The following KIF26B variants were observed in gnomAD, a reference collection of about 807,000 sequenced individuals.
KIF26B encodes the protein kinesin family member 26B.
A neutral mutation model predicts 151.2 loss-of-function variants in KIF26B; 63 were observed. The ratio of observed to expected loss-of-function variants is 0.42; its 90% CI spans 0.34 to 0.51. KIF26B has a LOEUF of 0.51. Among genes scored for constraint, KIF26B ranks in the 20% least tolerant of loss-of-function variants. The probability of loss-of-function intolerance (pLI) is 0.07; values close to 1 mark genes in which losing one functional copy is unlikely to be tolerated. For missense variants in KIF26B, 2,813 were observed against 2,913.6 expected (o/e 0.97, Z 0.79); for synonymous variants, 1,357 against 1,262.1 (o/e 1.08, Z -1.59).
At chr1:245,219,878 C>T (rs1299735047) in intron 2 of KIF26B, among the ~76,000 whole-genome samples, 1 of 152,214 alleles carries the variant, frequency 6.6e-6, no homozygotes, top group Non-Finnish European at 1.5e-5. Flanking sequence ...AGCACTGACT[C>T]CCACCCAGGC....
At chr1:245,571,564 C>A (rs1229628361) in intron 5 of KIF26B, among the ~76,000 whole-genome samples, 1 of 152,194 alleles carries the variant, frequency 6.6e-6, no homozygotes, top group East Asian at 1.9e-4. Context: ...TTAGCTTTTG[C>A]CTTCCTTTTG....
intron 2 of KIF26B, among the ~76,000 whole-genome samples, chr1:245,197,481 TG>T (rs1305602647): frequency 2.0e-5 from 3 of 152,238 alleles, no homozygotes; most frequent in Admixed American, 6.5e-5. Context: ...ATTATAACTT[TG>T]TTTTTTTTAC....
At chr1:245,508,280 G>A (rs924700867) in intron 4 of KIF26B, among the ~76,000 whole-genome samples, 4 of 152,030 alleles carry the variant, frequency 2.6e-5, no homozygotes, top group South Asian at 4.1e-4. Context: ...TCGCTCTGTC[G>A]CCCAGGCTGG....
At position 245,691,407 on chromosome 1, in the gene KIF26B, G is replaced by A. The variant is rs75244304; in HGVS notation, c.5824+2600G>A. On this transcript the variant is annotated intron_variant, in intron 12 of 14. Coordinates refer to ENST00000407071, the MANE Select transcript of KIF26B (RefSeq NM_018012.4). ...CAGGTGCTAGAAATGGATTTCATGT[G>A]GAATGTCAAGAGCAGAAGACCTTTG... is the stretch of plus-strand genomic sequence containing the variant. Among the ~76,000 whole-genome samples the A allele has an allele frequency of 1.0e-2, 1,521 of 152,302 alleles. 22 individuals carry two copies. Among genetic ancestry groups the A allele is most frequent in the African/African-American group, 0.035 (1,451 of 41,562 alleles).
intron 2 of KIF26B, among the ~76,000 whole-genome samples, chr1:245,174,194 A>G (rs74810004): frequency 0.12 from 17,695 of 152,226 alleles, 1,210 homozygotes; most frequent in East Asian, 0.31. Context: ...TTTTATGTGT[A>G]TGACTCTTTT....
intron 2 of KIF26B, among the ~76,000 whole-genome samples, chr1:245,269,276 A>C (rs1670806696): frequency 1.1e-5 from 1 of 90,536 alleles, no homozygotes; most frequent in South Asian, 4.5e-4. Context: ...CCTCCCACCC[A>C]ACGGCCCCTC....
At chr1:245,662,942 GCTTGCTCT>G (rs1490188707) in intron 10 of KIF26B, among the ~76,000 whole-genome samples, 10 of 147,608 alleles carry the variant, frequency 6.8e-5, no homozygotes, top group African/African-American at 1.3e-4. Flanking sequence ...GAGAGCTCTT[GCTTGCTCT>G]CAGGTCACCT....
At chr1:245,670,604 T>C (rs1389490356) in intron 10 of KIF26B, among the ~76,000 whole-genome samples, 1 of 151,910 alleles carries the variant, frequency 6.6e-6, no homozygotes, top group African/African-American at 2.4e-5. Context: ...TTAAGCATAA[T>C]AGCCAAGAGG....
At chr1:245,387,162 TTTTTTGTTTTTTG>T (rs1024720750) in intron 3 of KIF26B, among the ~76,000 whole-genome samples, 6 of 93,622 alleles carry the variant, frequency 6.4e-5, no homozygotes, top group Non-Finnish European at 1.3e-4. Context: ...TTGTTTTTTG[TTTTTTGTTTTTTG>T]TTTTTTGAGA....
chr1:245,676,053 G>A (rs192359394), intron 10 of KIF26B, among the ~76,000 whole-genome samples: 5 of 152,130 alleles, frequency 3.3e-5, no homozygotes, highest in African/African-American at 1.2e-4. Context: ...GCTTTTATTA[G>A]GAAATGCAAT....
At chr1:245,579,852 GA>G (rs113159653) in intron 5 of KIF26B, among the ~76,000 whole-genome samples, 14,581 of 106,712 alleles carry the variant, frequency 0.14, 838 homozygotes, top group African/African-American at 0.21. Flanking sequence ...TCATCTCAAA[GA>G]AAAAAAAAAA....
chr1:245,383,820 C>T (rs1673473214), intron 3 of KIF26B, among the ~76,000 whole-genome samples: 1 of 152,108 alleles, frequency 6.6e-6, no homozygotes. Flanking sequence ...TAATAAGTGT[C>T]ATTTAGAGGC....
chr1:245,291,867 A>C (rs1166744824), intron 2 of KIF26B, among the ~76,000 whole-genome samples: 1 of 152,068 alleles, frequency 6.6e-6, no homozygotes, highest in African/African-American at 2.4e-5. Flanking sequence ...AGTGTGCAGA[A>C]GGGCCCTGGT....
chr1:245,331,031 A>G (rs1330747920), intron 2 of KIF26B, among the ~76,000 whole-genome samples: 1 of 151,994 alleles, frequency 6.6e-6, no homozygotes, highest in African/African-American at 2.4e-5. Context: ...GTGAGCAGAA[A>G]CCATGATCCT....
intron 4 of KIF26B, among the ~76,000 whole-genome samples, chr1:245,502,799 T>C (rs914171724): frequency 4.6e-5 from 7 of 151,758 alleles, no homozygotes; most frequent in African/African-American, 1.7e-4. Context: ...AACTGTTTTG[T>C]CATGACAGGG....
intron 4 of KIF26B, among the ~76,000 whole-genome samples, chr1:245,532,248 C>CTTTTCTTTTCTT (rs374051918): frequency 8.2e-5 from 10 of 121,484 alleles, no homozygotes; most frequent in Non-Finnish European, 1.5e-4. Context: ...CTTTTCTTTT[C>CTTTTCTTTTCTT]TTTTTTTTTT....
In KIF26B at chr1:245,706,163, G is replaced by A. The variant is rs1190863983; in HGVS notation, c.*3557G>A. 5 of 152,140 alleles carry A rather than the reference G, an allele frequency of 3.3e-5. No homozygotes were observed. Among genetic ancestry groups the A allele is most frequent in the Non-Finnish European group, 7.3e-5 (5 of 68,028 alleles). The allele number at this position is 152,140 out of a possible 1,614,324, so 9.4% of individuals were successfully genotyped here. On this transcript the variant is annotated 3_prime_UTR_variant, in exon 15 of 15. Coordinates refer to ENST00000407071, the MANE Select transcript of KIF26B (RefSeq NM_018012.4). ...GAAGTCTATTATGTTCTTATAAGGC[G>A]GTAGTGACTTCAGTCCAGCCGCATC... is the stretch of plus-strand genomic sequence containing the variant.
intron 5 of KIF26B, among the ~76,000 whole-genome samples, chr1:245,544,537 TTAGTA>T (rs61677932): frequency 0.029 from 4,409 of 152,236 alleles, 231 homozygotes; most frequent in African/African-American, 0.1. Context: ...AACTTCTTAT[TTAGTA>T]GACAAGAAAA....
intron 2 of KIF26B, among the ~76,000 whole-genome samples, chr1:245,261,941 G>A (rs901297387): frequency 6.6e-6 from 1 of 152,106 alleles, no homozygotes; most frequent in Admixed American, 6.5e-5. Flanking sequence ...GGGAGATACC[G>A]ATGGCCCCTG....
Sources: allele counts gnomAD v4.1 joint callset (sites outside exome capture counted in the v4.1 genomes callset), GRCh38; gene constraint gnomAD v4.1.1; transcripts MANE v1.5; gene names NCBI Gene and HGNC (gene_info 2026-07-23, HGNC 2026-07-21).